MKLN1: variants seen among roughly 807,000 people sequenced by gnomAD.
MKLN1 encodes the protein muskelin 1, also known as muskelin.
Under a neutral mutation model 99.0 loss-of-function variants are expected in MKLN1, and 18 were observed. The observed-to-expected ratio is 0.18, with a 90% CI of 0.13 to 0.27. MKLN1 has a LOEUF of 0.27. Ranked by LOEUF, MKLN1 falls within the 10% of genes least tolerant of loss-of-function variation. The probability of loss-of-function intolerance (pLI) is 1.00; values close to 1 mark genes in which losing one functional copy is unlikely to be tolerated. For missense variants in MKLN1, 621 were observed against 875.9 expected (o/e 0.71, Z 3.67); for synonymous variants, 288 against 293.2 (o/e 0.98, Z 0.18).
At chr7:131,367,240 A>G (rs1229485970) in intron 1 of MKLN1, among the ~76,000 whole-genome samples, 1 of 152,212 alleles carries the variant, frequency 6.6e-6, no homozygotes, top group African/African-American at 2.4e-5. Flanking sequence ...TGTACATTTT[A>G]ATATTAAACT....
intron 1 of MKLN1, among the ~76,000 whole-genome samples, chr7:131,117,886 C>T (rs565101905): frequency 6.6e-6 from 1 of 152,266 alleles, no homozygotes; most frequent in Non-Finnish European, 1.5e-5. Context: ...TGACTTCTCT[C>T]CCAAGATCAG....
At chr7:131,440,279 C>T (rs1052157557) in intron 10 of MKLN1, among the ~76,000 whole-genome samples, 2 of 152,074 alleles carry the variant, frequency 1.3e-5, no homozygotes, top group African/African-American at 2.4e-5. Flanking sequence ...CTGGGGAGCT[C>T]AAAGCTTGAG....
intron 1 of MKLN1, among the ~76,000 whole-genome samples, chr7:131,362,275 C>T (rs998630809): frequency 1.3e-5 from 2 of 151,976 alleles, no homozygotes; most frequent in African/African-American, 2.4e-5. Context: ...TAGCGTACTC[C>T]ATTATATAGC....
chr7:131,319,924 T>C (rs1483884509), intron 3 of MKLN1, among the ~76,000 whole-genome samples: 1 of 151,902 alleles, frequency 6.6e-6, no homozygotes, highest in Non-Finnish European at 1.5e-5. Flanking sequence ...CTCAAGGAAA[T>C]GAGAGGACTC....
Position 131,153,662 on chromosome 7 carries a change from TG to T in MKLN1, c.-297+10723del, listed in dbSNP as rs1554529395. Among the ~76,000 whole-genome samples the T allele has an allele frequency of 1.3e-4, 7 of 54,758 alleles. 1 individual carries two copies. The highest frequency in any genetic ancestry group is 1.5e-4 in the Non-Finnish European group (3 of 19,360). 35.9% of individuals were successfully genotyped at this position (54,758 alleles called of 152,430 possible). A position where few individuals can be genotyped will look rare whatever the true frequency, so the allele number is the denominator to read the frequency against. ...CTACAAAATGAAAGTAGGTTTTTTT[TG>T]GTTTTTTTTTTTTTTTTGAGAAGGA... On this transcript the variant is annotated intron_variant, in intron 2 of 7. Coordinates refer to the MKLN1 transcript ENST00000416992.
At chr7:131,306,301 A>G (rs992172927) in intron 3 of MKLN1, among the ~76,000 whole-genome samples, 1 of 152,244 alleles carries the variant, frequency 6.6e-6, no homozygotes, top group African/African-American at 2.4e-5. Flanking sequence ...ACTGCTATAA[A>G]GATACCTAAA....
In MKLN1 at chr7:131,445,172, T is replaced by C. The variant is rs993657471; in HGVS notation, c.1396-602T>C. ...TACTATTTCTGTGTCTGAGTATATCTTTATATACAGATAGGTTTATTTGTT... is the reference window on the plus strand; with the variant it reads ...TACTATTTCTGTGTCTGAGTATATCCTTATATACAGATAGGTTTATTTGTT... On this transcript the variant is annotated intron_variant, in intron 11 of 17. Coordinates refer to ENST00000352689, the MANE Select transcript of MKLN1 (RefSeq NM_013255.5). Among the ~76,000 whole-genome samples the C allele has an allele frequency of 2.0e-5, 3 of 152,170 alleles. No homozygotes were observed. In the South Asian group the frequency reaches 6.2e-4, roughly 32 times the overall value.
At chr7:131,160,505 ATTATTAT>A (rs1424402102) in intron 2 of MKLN1, among the ~76,000 whole-genome samples, 7 of 121,616 alleles carry the variant, frequency 5.8e-5, no homozygotes, top group African/African-American at 3.2e-4. Flanking sequence ...TATTATTATT[ATTATTAT>A]TATTATTATT....
intron 3 of MKLN1, among the ~76,000 whole-genome samples, chr7:131,317,609 T>TA (rs140139142): frequency 0.072 from 10,890 of 152,108 alleles, 530 homozygotes; most frequent in Middle Eastern, 0.14. Context: ...ATAATAATAT[T>TA]AACATTAAAT....
At chr7:131,161,453 T>C (rs1051734925) in intron 2 of MKLN1, among the ~76,000 whole-genome samples, 3 of 152,214 alleles carry the variant, frequency 2.0e-5, no homozygotes, top group African/African-American at 7.2e-5. Flanking sequence ...CCAAAACTTT[T>C]TGAGGACTAT....
intron 1 of MKLN1, among the ~76,000 whole-genome samples, chr7:131,336,719 A>C (rs1427492292): frequency 6.6e-6 from 1 of 152,128 alleles, no homozygotes; most frequent in African/African-American, 2.4e-5. Flanking sequence ...AGAAAACTTT[A>C]ATAGCATTTA....
intron 3 of MKLN1, among the ~76,000 whole-genome samples, chr7:131,222,907 TG>T (rs1797081602): frequency 1.3e-5 from 2 of 149,776 alleles, no homozygotes; most frequent in Non-Finnish European, 3.0e-5. Flanking sequence ...CCATGCATGG[TG>T]GTGCGCACCT....
chr7:131,406,245 A>C (rs1794703081), intron 6 of MKLN1, among the ~76,000 whole-genome samples: 2 of 151,706 alleles, frequency 1.3e-5, no homozygotes, highest in African/African-American at 4.8e-5. Context: ...TTTATTTTCA[A>C]CCTTTATCCC....
chr7:131,130,696 A>G (rs1049717253), intron 1 of MKLN1, among the ~76,000 whole-genome samples: 61 of 152,362 alleles, frequency 4.0e-4, no homozygotes, highest in Middle Eastern at 3.4e-3. Flanking sequence ...TTATTAGTAG[A>G]TGAAATGTTT....
At chr7:131,226,726 G>C (rs1797152794) in intron 3 of MKLN1, among the ~76,000 whole-genome samples, 1 of 152,192 alleles carries the variant, frequency 6.6e-6, no homozygotes, top group Admixed American at 6.5e-5. Flanking sequence ...AGTACAGAAG[G>C]AAAAGGGCAG....
At chr7:131,228,653 G>A (rs1478777526) in intron 3 of MKLN1, among the ~76,000 whole-genome samples, 1 of 152,144 alleles carries the variant, frequency 6.6e-6, no homozygotes, top group East Asian at 1.9e-4. Context: ...TGCAAGTAAA[G>A]AACCAGACAT....
chr7:131,164,501 C>A (rs1460037246), intron 2 of MKLN1, among the ~76,000 whole-genome samples: 1 of 152,198 alleles, frequency 6.6e-6, no homozygotes, highest in East Asian at 1.9e-4. Context: ...AAGATTAATG[C>A]AAGCCAAAAA....
At chr7:131,311,667 A>G (rs977090736) in intron 3 of MKLN1, among the ~76,000 whole-genome samples, 1 of 152,224 alleles carries the variant, frequency 6.6e-6, no homozygotes, top group Non-Finnish European at 1.5e-5. Context: ...AAATAGGATC[A>G]TAAGTCACTG....
At chr7:131,289,596 G>A (rs1400209354) in intron 3 of MKLN1, among the ~76,000 whole-genome samples, 4 of 152,194 alleles carry the variant, frequency 2.6e-5, no homozygotes. Flanking sequence ...TTAACAGCAT[G>A]CATCACTAGA....
Sources: gnomAD v4.1 joint callset for allele counts (sites outside exome capture counted in the v4.1 genomes callset) on GRCh38, gnomAD v4.1.1 for gene constraint, MANE v1.5 for transcripts, NCBI Gene and HGNC (gene_info 2026-07-23, HGNC 2026-07-21) for gene names.